Variants in SLC35D1 observed in about 807,000 individuals in gnomAD.
SLC35D1 encodes nucleotide sugar transporter SLC35D1.
Under a neutral mutation model 46.7 loss-of-function variants are expected in SLC35D1, and 31 were observed. The ratio of observed to expected loss-of-function variants is 0.66; its 90% CI spans 0.50 to 0.90. The LOEUF (loss-of-function observed/expected upper bound fraction) is 0.90. Among genes scored for constraint, SLC35D1 ranks in the 40% least tolerant of loss-of-function variants. SLC35D1 has a pLI of 0.00. For missense variants in SLC35D1, 397 were observed against 426.2 expected, an observed-to-expected ratio of 0.93 and a Z score of 0.60; for synonymous variants, 195 against 164.6, an observed-to-expected ratio of 1.18 and a Z score of -1.41.
chr1:67,039,493 T>TTGTGTG (rs71801070), intron 8 of SLC35D1, among the ~76,000 whole-genome samples: 11,434 of 148,668 alleles, frequency 0.077, 475 homozygotes, highest in East Asian at 0.15. Flanking sequence ...AGTGAAAAAA[T>TTGTGTG]TGTGTGTGTG....
intron 11 of SLC35D1, among the ~76,000 whole-genome samples, chr1:67,004,877 C>T (rs1381909553): frequency 6.6e-6 from 1 of 151,966 alleles, no homozygotes; most frequent in Non-Finnish European, 1.5e-5. Flanking sequence ...TAGGAAACAT[C>T]CCAAATTAGT....
intron 7 of SLC35D1, among the ~76,000 whole-genome samples, chr1:67,044,396 T>C (rs1478265554): frequency 2.0e-5 from 3 of 150,586 alleles, no homozygotes; most frequent in Admixed American, 2.0e-4. Context: ...TAACTAGCTA[T>C]ACAATGAAAC....
intron 6 of SLC35D1, among the ~76,000 whole-genome samples, chr1:67,047,898 T>TA (rs889313822): frequency 1.3e-4 from 20 of 152,254 alleles, no homozygotes; most frequent in Admixed American, 1.2e-3. Context: ...CTCAAATACT[T>TA]AAACAATAGC....
At chr1:67,045,486 C>A (rs1453903046) in intron 7 of SLC35D1, among the ~76,000 whole-genome samples, 1 of 152,182 alleles carries the variant, frequency 6.6e-6, no homozygotes, top group Admixed American at 6.5e-5. Flanking sequence ...TGCTGGTAAA[C>A]CTCTCTGCCT....
Position 67,042,306 on chromosome 1 carries a change from A to G in SLC35D1, c.659T>C (p.Leu220Pro). Reference protein sequence around the residue: ...DSKELGKYGLLYYNALFMILP... With the variant: ...DSKELGKYGLPYYNALFMILP... ...AATCATGAACAGTGCATTGTAATAG[A>G]GCAGTCCATATTTTCCCAGCTCCTA... The change falls in exon 8 of 12, where the codon CTC (leucine) becomes CCC (proline). Residue 220 changes from leucine to proline, a missense_variant. Physicochemically the swap from Leu to Pro is moderately conservative, Grantham distance 98. Coordinates refer to ENST00000235345, the MANE Select transcript of SLC35D1 (RefSeq NM_015139.3). The G allele has an allele frequency of 1.2e-6, 2 of 1,614,172 alleles. No homozygotes were observed. Among genetic ancestry groups the G allele is most frequent in the Non-Finnish European group, 8.5e-7 (1 of 1,180,022 alleles).
At chr1:67,034,791 A>G (rs562467147) in intron 8 of SLC35D1, among the ~76,000 whole-genome samples, 6 of 152,206 alleles carry the variant, frequency 3.9e-5, no homozygotes, top group Non-Finnish European at 8.8e-5. Context: ...ATTTTTCCCT[A>G]TTCAGTATGA....
chr1:67,042,321 C>A lies in SLC35D1; in HGVS notation c.644G>T (p.Gly215Val). ...VKQKLDSKELGKYGLLYYNAL... is the reference protein window; with the variant it reads ...VKQKLDSKELVKYGLLYYNAL... The stretch of plus-strand genomic sequence containing the variant: ...ATTGTAATAGAGCAGTCCATATTTT[C>A]CCAGCTCCTAGGACAGTAAATAATT... The change falls in exon 8 of 12, where the codon GGA becomes GTA. Residue 215 changes from glycine (G) to valine (V), a missense_variant. Coordinates refer to ENST00000235345, the MANE Select transcript of SLC35D1 (RefSeq NM_015139.3). 6.2e-7 allele frequency: 1 copy of A among 1,614,078 alleles called. No individual in the cohort carries two copies. Among genetic ancestry groups the A allele is most frequent in the South Asian group, 1.1e-5 (1 of 91,086 alleles).
the SLC35D1 span, chr1:66,984,696 T>C: frequency 1.9e-6 from 3 of 1,614,006 alleles, no homozygotes; most frequent in Middle Eastern, 1.7e-4. Flanking sequence ...ATACTAATGG[T>C]TATGAAACAG....
the SLC35D1 span, chr1:66,976,842 G>T: frequency 1.3e-6 from 1 of 792,650 alleles, no homozygotes; most frequent in African/African-American, 1.8e-5. Flanking sequence ...TAACCAGAAG[G>T]CCGAGAGTGA....
intron 8 of SLC35D1, among the ~76,000 whole-genome samples, chr1:67,024,942 C>A (rs1431765695): frequency 6.6e-6 from 1 of 152,156 alleles, no homozygotes; most frequent in Non-Finnish European, 1.5e-5. Context: ...GAGACAGGGT[C>A]TTGCTTTGTT....
downstream of SLC35D1, among the ~76,000 whole-genome samples, chr1:66,995,402 C>T (rs1308050577): frequency 1.0e-4 from 12 of 115,986 alleles, no homozygotes; most frequent in Admixed American, 1.2e-3. Flanking sequence ...TTCTAAAACG[C>T]AAATGAGGCC....
the SLC35D1 span, among the ~76,000 whole-genome samples, chr1:66,978,251 T>C: frequency 7.9e-5 from 12 of 150,968 alleles, no homozygotes; most frequent in Admixed American, 2.6e-4. Flanking sequence ...CTCTTCAGAC[T>C]CCTAAACTGC....
chr1:67,009,836 A>T (rs551935524), intron 10 of SLC35D1, among the ~76,000 whole-genome samples: 10 of 152,334 alleles, frequency 6.6e-5, no homozygotes, highest in Non-Finnish European at 1.2e-4. Flanking sequence ...CTACTGGGTT[A>T]TATCCCCAAA....
intron 8 of SLC35D1, among the ~76,000 whole-genome samples, chr1:67,027,725 GTTT>G (rs1361919984): frequency 6.6e-6 from 1 of 151,960 alleles, no homozygotes; most frequent in Non-Finnish European, 1.5e-5. Context: ...CTATGTTGTA[GTTT>G]TTTTGTTTTT....
downstream of SLC35D1, among the ~76,000 whole-genome samples, chr1:66,994,616 C>T (rs1049436068): frequency 6.6e-6 from 1 of 151,540 alleles, no homozygotes; most frequent in African/African-American, 2.4e-5. Flanking sequence ...TGCACTCCAG[C>T]CTGGGCGACA....
intron 10 of SLC35D1, among the ~76,000 whole-genome samples, chr1:67,011,336 T>C (rs1337911643): frequency 1.3e-5 from 2 of 152,194 alleles, no homozygotes; most frequent in East Asian, 1.9e-4. Flanking sequence ...TTCTGCTCTT[T>C]TGGAAGCTGC....
chr1:66,994,455 C>A (rs569115260), downstream of SLC35D1, among the ~76,000 whole-genome samples: 2 of 152,164 alleles, frequency 1.3e-5, no homozygotes, highest in African/African-American at 4.8e-5. Context: ...ACCAGCCTGG[C>A]CAACATGATG....
intron 10 of SLC35D1, among the ~76,000 whole-genome samples, chr1:67,018,226 AAAAAT>A (rs1296922228): frequency 6.6e-6 from 1 of 152,176 alleles, no homozygotes; most frequent in African/African-American, 2.4e-5. Context: ...TTTGAAGGGA[AAAAAT>A]AAAATTAAGT....
chr1:66,983,808 A>T, the SLC35D1 span, among the ~76,000 whole-genome samples: 1 of 152,110 alleles, frequency 6.6e-6, no homozygotes, highest in African/African-American at 2.4e-5. Flanking sequence ...GCTCACTGCA[A>T]CCTCCGCCTC....
Sources: gnomAD v4.1 joint callset for allele counts (sites outside exome capture counted in the v4.1 genomes callset) on GRCh38, gnomAD v4.1.1 for gene constraint, MANE v1.5 for transcripts, NCBI Gene and HGNC (gene_info 2026-07-23, HGNC 2026-07-21) for gene names.